RNLS: variants seen among roughly 807,000 people sequenced by gnomAD.
RNLS encodes renalase.
Under a neutral mutation model 39.8 loss-of-function variants are expected in RNLS, and 39 were observed. The observed-to-expected ratio is 0.98, with a 90% CI of 0.76 to 1.28. The LOEUF (loss-of-function observed/expected upper bound fraction) is 1.28, where lower values mean the gene tolerates loss of function less well. Among genes scored for constraint, RNLS ranks in the 50% most tolerant of loss-of-function variants. The pLI, the probability that RNLS is intolerant of heterozygous loss-of-function variation, is 0.00. For synonymous variants in RNLS, 147 were observed against 150.7 expected (o/e 0.98, Z 0.18); for missense variants, 410 against 413.3 (o/e 0.99, Z 0.07).
chr10:88,410,793 G>T (rs1002595472), intron 4 of RNLS, among the ~76,000 whole-genome samples: 3 of 152,104 alleles, frequency 2.0e-5, no homozygotes, highest in Admixed American at 6.6e-5. Context: ...TTACACTGTT[G>T]TTATTAAAGA....
intron 4 of RNLS, among the ~76,000 whole-genome samples, chr10:88,376,171 G>A (rs72474857): frequency 0.034 from 5,145 of 152,040 alleles, 217 homozygotes; most frequent in African/African-American, 0.089. Flanking sequence ...TTCCTTTTGG[G>A]GGCTGTCTTT....
intron 4 of RNLS, among the ~76,000 whole-genome samples, chr10:88,481,557 G>A (rs144709368): frequency 2.3e-3 from 347 of 152,062 alleles, no homozygotes; most frequent in Middle Eastern, 6.8e-3. Context: ...AATAATTGTC[G>A]TGAAACATAG....
chr10:88,215,691 A>ATTTT, the RNLS span, among the ~76,000 whole-genome samples: 340 of 95,416 alleles, frequency 3.6e-3, 9 homozygotes, highest in Non-Finnish European at 4.2e-3. Flanking sequence ...ACCATCTGTA[A>ATTTT]TTTTTTTTTT....
intron 4 of RNLS, among the ~76,000 whole-genome samples, chr10:88,389,238 C>T (rs940313336): frequency 3.3e-5 from 5 of 151,968 alleles, no homozygotes; most frequent in Admixed American, 6.5e-5. Flanking sequence ...ATTGGTTTAC[C>T]TCCTAGGATT....
chr10:88,225,923 T>C, the RNLS span, among the ~76,000 whole-genome samples: 1 of 152,332 alleles, frequency 6.6e-6, no homozygotes, highest in Non-Finnish European at 1.5e-5. Flanking sequence ...CTATTTTTTT[T>C]TTCATCTCAC....
At chr10:88,174,068 AG>A in the RNLS span, among the ~76,000 whole-genome samples, 14 of 151,910 alleles carry the variant, frequency 9.2e-5, no homozygotes, top group African/African-American at 3.4e-4. Context: ...TATTGGTATT[AG>A]AAGCATTACC....
At chr10:88,191,962 T>C in the RNLS span, among the ~76,000 whole-genome samples, 13,284 of 151,714 alleles carry the variant, frequency 0.088, 607 homozygotes, top group African/African-American at 0.11. Flanking sequence ...GGGTGCCCCA[T>C]AGGCTCTTCT....
chr10:88,551,755 G>T (rs1848615058), intron 4 of RNLS, among the ~76,000 whole-genome samples: 1 of 152,010 alleles, frequency 6.6e-6, no homozygotes, highest in Non-Finnish European at 1.5e-5. Context: ...GTTTTGCAGG[G>T]TTAGAAGGTC....
At chr10:88,542,659 C>T (rs1272607716) in intron 4 of RNLS, among the ~76,000 whole-genome samples, 1 of 152,172 alleles carries the variant, frequency 6.6e-6, no homozygotes, top group African/African-American at 2.4e-5. Flanking sequence ...GACAGCACTG[C>T]ATGATCTTCT....
rs577838661 is a variant in RNLS at position 88,310,801 on chromosome 10, CAAAAAAAAAA to C, written c.876+3655_876+3664del. 5.1e-4 allele frequency among the ~76,000 whole-genome samples: 10 copies of C among 19,586 alleles called. No individual in the cohort carries two copies. In the East Asian group the frequency reaches 0.014, roughly 27 times the overall value. 12.8% of individuals were successfully genotyped at this position (19,586 alleles called of 152,430 possible). A position where few individuals can be genotyped will look rare whatever the true frequency, so the allele number is the denominator to read the frequency against. On this transcript the variant is annotated intron_variant, in intron 6 of 6. Coordinates refer to ENST00000331772, the MANE Select transcript of RNLS (RefSeq NM_001031709.3). Reference sequence around the variant, plus strand: ...TGACAGATTTAGAGCCTACCTCTGCCAAAAAAAAAAAAAAAAAAAAAAAAAAGAAAGAAAA... The same window carrying C: ...TGACAGATTTAGAGCCTACCTCTGCCAAAAAAAAAAAAAAAAGAAAGAAAA...
the RNLS span, among the ~76,000 whole-genome samples, chr10:88,222,402 C>T: frequency 1.3e-5 from 2 of 152,120 alleles, no homozygotes; most frequent in Admixed American, 1.3e-4. Context: ...TGGGAGGAGG[C>T]TCTAGTTATC....
intron 3 of RNLS, among the ~76,000 whole-genome samples, chr10:88,579,457 T>C (rs550062012): frequency 5.3e-5 from 8 of 152,268 alleles, no homozygotes; most frequent in African/African-American, 1.7e-4. Context: ...GAGATTCTAT[T>C]TTCTAGGGCT....
At chr10:88,469,426 T>C (rs918662130) in intron 4 of RNLS, among the ~76,000 whole-genome samples, 6 of 152,166 alleles carry the variant, frequency 3.9e-5, no homozygotes, top group African/African-American at 9.7e-5. Context: ...TGAAATATCT[T>C]TGGATAGAGA....
At chr10:88,358,459 A>C (rs970027475) in intron 5 of RNLS, among the ~76,000 whole-genome samples, 1 of 152,246 alleles carries the variant, frequency 6.6e-6, no homozygotes. Context: ...GAAATTCTAG[A>C]TTAAAAGAAG....
chr10:88,327,535 CT>C, intron 5 of RNLS, among the ~76,000 whole-genome samples: 1 of 152,288 alleles, frequency 6.6e-6, no homozygotes, highest in East Asian at 1.9e-4. Context: ...TTCCTGAGGC[CT>C]CCCCAGCCAT....
the RNLS span, among the ~76,000 whole-genome samples, chr10:88,214,246 C>A: frequency 6.6e-6 from 1 of 152,090 alleles, no homozygotes; most frequent in South Asian, 2.1e-4. Context: ...TTTCACATAC[C>A]CGTCTCTGGA....
the RNLS span, among the ~76,000 whole-genome samples, chr10:88,224,832 A>C: frequency 6.6e-6 from 1 of 152,150 alleles, no homozygotes; most frequent in Non-Finnish European, 1.5e-5. Context: ...CTGAGCACTT[A>C]TTTTATGACA....
intron 4 of RNLS, among the ~76,000 whole-genome samples, chr10:88,471,960 G>C (rs1177095971): frequency 6.6e-6 from 1 of 151,788 alleles, no homozygotes; most frequent in Non-Finnish European, 1.5e-5. Context: ...AAAAAAAAAA[G>C]TCTTCACCAT....
At chr10:88,389,838 T>A (rs1393649183) in intron 4 of RNLS, among the ~76,000 whole-genome samples, 1 of 152,164 alleles carries the variant, frequency 6.6e-6, no homozygotes, top group Non-Finnish European at 1.5e-5. Flanking sequence ...GTAGTTGCTA[T>A]AAAGGAAGAG....
Sources: allele counts gnomAD v4.1 joint callset (sites outside exome capture counted in the v4.1 genomes callset), GRCh38; gene constraint gnomAD v4.1.1; transcripts MANE v1.5; gene names NCBI Gene and HGNC (gene_info 2026-07-23, HGNC 2026-07-21).